The following TP63 variants were observed in gnomAD, a reference collection of about 807,000 sequenced individuals.
TP63 encodes tumor protein 63.
A neutral mutation model predicts 82.8 loss-of-function variants in TP63; 17 were observed. The observed-to-expected ratio is 0.21, with a 90% CI of 0.14 to 0.31. The LOEUF (loss-of-function observed/expected upper bound fraction) is 0.31, where lower values mean the gene tolerates loss of function less well. Ranked by LOEUF, TP63 falls within the 10% of genes least tolerant of loss-of-function variation. The pLI, the probability that TP63 is intolerant of heterozygous loss-of-function variation, is 1.00. For synonymous variants in TP63, 330 were observed against 321.7 expected, an observed-to-expected ratio of 1.03 and a Z score of -0.28; for missense variants, 648 against 895.3, an observed-to-expected ratio of 0.72 and a Z score of 3.52.
At chr3:189,619,832 C>A in the TP63 span, among the ~76,000 whole-genome samples, 3 of 152,126 alleles carry the variant, frequency 2.0e-5, no homozygotes, top group Admixed American at 6.5e-5. Context: ...CTCCTTCAGC[C>A]CCAAACTGTC....
chr3:189,803,311 T>C (rs1006908265), intron 3 of TP63, among the ~76,000 whole-genome samples: 30 of 152,036 alleles, frequency 2.0e-4, no homozygotes, highest in Non-Finnish European at 4.4e-5. Flanking sequence ...AGAAAAAAAA[T>C]TATCTTTTAC....
At chr3:189,889,234 TG>T in intron 11 of TP63, 105 bp from the exon 12 acceptor site, 1 of 1,514,242 alleles carries the variant, frequency 6.6e-7, no homozygotes, top group Non-Finnish European at 9.2e-7. Context: ...AAAGGAAGGC[TG>T]GTAGTTTAGG....
At chr3:189,839,417 T>C (rs980195122) in intron 4 of TP63, among the ~76,000 whole-genome samples, 4 of 152,172 alleles carry the variant, frequency 2.6e-5, no homozygotes, top group African/African-American at 9.7e-5. Flanking sequence ...GTGGTTCCTA[T>C]AAAATATTAT....
intron 4 of TP63, among the ~76,000 whole-genome samples, chr3:189,844,750 A>G (rs1006323509): frequency 6.6e-6 from 1 of 152,224 alleles, no homozygotes; most frequent in African/African-American, 2.4e-5. Flanking sequence ...ACCAAACTGA[A>G]GCTGTGTCTC....
intron 4 of TP63, among the ~76,000 whole-genome samples, chr3:189,858,642 A>T (rs1271974291): frequency 6.6e-6 from 1 of 152,060 alleles, no homozygotes; most frequent in Non-Finnish European, 1.5e-5. Flanking sequence ...AGCTGGGCAT[A>T]GTAGTGCGCA....
chr3:189,738,731 A>T lies in TP63; in HGVS notation c.281A>T (p.Asp94Val), dbSNP rs1177278893. ...GATNKIEISM[D>V]CIRMQDSDLS... Reference sequence around the variant, plus strand: ...ACAAACAAGATTGAGATTAGCATGGACTGTATCCGCATGCAGGACTCGGAC... The same window carrying T: ...ACAAACAAGATTGAGATTAGCATGGTCTGTATCCGCATGCAGGACTCGGAC... Residue 94 changes from aspartate to valine, a missense_variant, in exon 3 of 14, where the codon GAC becomes GTC. Coordinates refer to ENST00000264731, the MANE Select transcript of TP63 (RefSeq NM_003722.5). 6.2e-7 allele frequency: 1 copy of T among 1,614,106 alleles called. No homozygotes were observed. Among genetic ancestry groups the T allele is most frequent in the Admixed American group, 1.7e-5 (1 of 60,022 alleles).
chr3:189,830,171 T>G (rs148867818), intron 4 of TP63, among the ~76,000 whole-genome samples: 1 of 152,170 alleles, frequency 6.6e-6, no homozygotes, highest in Non-Finnish European at 1.5e-5. Context: ...GAGTTCAGAT[T>G]TGAGATCTGA....
chr3:189,790,170 A>C (rs934896685), intron 3 of TP63, among the ~76,000 whole-genome samples: 3 of 152,098 alleles, frequency 2.0e-5, no homozygotes, highest in Non-Finnish European at 4.4e-5. Context: ...GATACATTGC[A>C]ATGAATCCTC....
intron 4 of TP63, among the ~76,000 whole-genome samples, chr3:189,837,862 C>T (rs1019141080): frequency 2.6e-5 from 4 of 152,048 alleles, no homozygotes; most frequent in African/African-American, 9.7e-5. Flanking sequence ...TGGGCTTAAG[C>T]AATCCTCCCG....
chr3:189,844,599 A>T lies in TP63; in HGVS notation c.580-19633A>T, dbSNP rs546129693. Among the ~76,000 whole-genome samples the T allele has an allele frequency of 1.4e-3, 206 of 152,280 alleles. 1 individual carries two copies. The highest frequency in any genetic ancestry group is 4.5e-3 in the African/African-American group (189 of 41,554). On this transcript the variant is annotated intron_variant, in intron 4 of 13. Coordinates refer to ENST00000264731, the MANE Select transcript of TP63 (RefSeq NM_003722.5). ...ACCCGGCCAACACTTTTTAAACATT[A>T]CATTTTTTAAAAAATAATATCTTTC...
At chr3:189,724,707 T>A (rs1207126043) in intron 1 of TP63, among the ~76,000 whole-genome samples, 1 of 152,246 alleles carries the variant, frequency 6.6e-6, no homozygotes, top group Non-Finnish European at 1.5e-5. Context: ...TACAATTAAA[T>A]GCACCTGGGA....
the TP63 span, among the ~76,000 whole-genome samples, chr3:189,606,318 A>G: frequency 3.9e-5 from 6 of 152,118 alleles, no homozygotes; most frequent in Admixed American, 1.3e-4. Context: ...AAATCCACAA[A>G]TACAACATTA....
intron 4 of TP63, among the ~76,000 whole-genome samples, chr3:189,843,204 A>G (rs1158889327): frequency 6.6e-6 from 1 of 152,170 alleles, no homozygotes; most frequent in African/African-American, 2.4e-5. Flanking sequence ...AAGAAGACCC[A>G]GGACACATTA....
the TP63 span, among the ~76,000 whole-genome samples, chr3:189,613,311 C>T: frequency 6.6e-6 from 1 of 152,228 alleles, no homozygotes; most frequent in Admixed American, 6.5e-5. Flanking sequence ...GGGGCCAACA[C>T]ACACCTTGGG....
intron 1 of TP63, among the ~76,000 whole-genome samples, chr3:189,731,384 A>G (rs1412248693): frequency 2.6e-5 from 4 of 152,162 alleles, no homozygotes; most frequent in Non-Finnish European, 5.9e-5. Flanking sequence ...TTTTCATGAA[A>G]TATATCTGGT....
Position 189,682,483 on chromosome 3 carries a change from G to A in TP63, c.62+50906G>A, listed in dbSNP as rs1309108292. ...GGACGATATTTTGCAAAAGCCTCAAGAATGCTGATTGTTTAACCCAGCAGT... is the reference window on the plus strand; with the variant it reads ...GGACGATATTTTGCAAAAGCCTCAAAAATGCTGATTGTTTAACCCAGCAGT... On this transcript the variant is annotated intron_variant, in intron 1 of 13. Transcript: ENST00000264731. 2.2e-5 allele frequency among the ~76,000 whole-genome samples: 3 copies of A among 139,374 alleles called. No individual in the cohort carries two copies. In the Admixed American group the frequency reaches 2.2e-4, roughly 10 times the overall value. 91.4% of individuals were successfully genotyped at this position (139,374 alleles called of 152,430 possible).
chr3:189,606,805 C>T, the TP63 span, among the ~76,000 whole-genome samples: 5 of 152,106 alleles, frequency 3.3e-5, no homozygotes, highest in Non-Finnish European at 7.4e-5. Context: ...ACCACCGCGA[C>T]GGGCCAACCC....
chr3:189,864,452 T>A (rs17514215), intron 5 of TP63, 34 bp downstream of exon 5: 1 of 1,586,652 alleles, frequency 6.3e-7, no homozygotes, highest in Non-Finnish European at 8.6e-7. Context: ...CTGTTCAACC[T>A]CCTTGAAGGT....
intron 11 of TP63, among the ~76,000 whole-genome samples, chr3:189,887,856 G>GTTTTTTTTTTTTTTTTTTTTTTTTTTT (rs397874442): frequency 8.0e-6 from 1 of 125,648 alleles, no homozygotes. Context: ...CATTGTTTTG[G>GTTTTTTTTTTTTTTTTTTTTTTTTTTT]TTTTTTTTTT....
Sources: gnomAD v4.1 joint callset for allele counts (sites outside exome capture counted in the v4.1 genomes callset) on GRCh38, gnomAD v4.1.1 for gene constraint, MANE v1.5 for transcripts, NCBI Gene and HGNC (gene_info 2026-07-23, HGNC 2026-07-21) for gene names.